RBFOX1: variants seen among roughly 807,000 people sequenced by gnomAD.
RBFOX1 encodes RNA binding protein fox-1 homolog 1.
A neutral mutation model predicts 57.7 loss-of-function variants in RBFOX1; 8 were observed. That is an observed-to-expected ratio of 0.14 (90% confidence interval 0.08 to 0.25). The LOEUF is 0.25. Ranked by LOEUF, RBFOX1 falls within the 10% of genes least tolerant of loss-of-function variation. The probability of loss-of-function intolerance (pLI) is 1.00; values close to 1 mark genes in which losing one functional copy is unlikely to be tolerated. For synonymous variants in RBFOX1, 326 were observed against 222.4 expected, an observed-to-expected ratio of 1.47 and a Z score of -4.15; for missense variants, 611 against 548.5, an observed-to-expected ratio of 1.11 and a Z score of -1.14.
At chr16:5,523,885 T>C (rs547648992) in intron 2 of RBFOX1, among the ~76,000 whole-genome samples, 3 of 152,276 alleles carry the variant, frequency 2.0e-5, no homozygotes, top group East Asian at 3.9e-4. Flanking sequence ...GGGGCTGTTG[T>C]ATCCATCCTG....
intron 4 of RBFOX1, among the ~76,000 whole-genome samples, chr16:7,129,990 C>T: frequency 6.6e-6 from 1 of 151,670 alleles, no homozygotes; most frequent in East Asian, 1.9e-4. Flanking sequence ...TACTCCTCTA[C>T]TTCCATCTAT....
rs114963313 is a variant in RBFOX1 at position 5,971,262 on chromosome 16, C to G, written c.351+103927C>G. Reference sequence around the variant, plus strand: ...ATGTATTTCTGAGCTGATTCTGAGCCAAATCAGTTTAGGCTCCCATAACAG... The same window carrying G: ...ATGTATTTCTGAGCTGATTCTGAGCGAAATCAGTTTAGGCTCCCATAACAG... On this transcript the variant is annotated intron_variant, in intron 4 of 19. Transcript: ENST00000641259. Among the ~76,000 whole-genome samples the G allele has an allele frequency of 6.7e-3, 1,015 of 152,236 alleles. 9 individuals carry two copies. Among genetic ancestry groups the G allele is most frequent in the African/African-American group, 0.023 (964 of 41,554 alleles).
Position 6,357,992 on chromosome 16 carries a change from C to T in RBFOX1, c.-64+40935C>T, listed in dbSNP as rs554521802. On this transcript the variant is annotated intron_variant, in intron 2 of 15. Coordinates refer to ENST00000550418, the MANE Select transcript of RBFOX1 (RefSeq NM_018723.4). ...AAAAAAAAAAAAGAAATTAATGGGG[C>T]CAGAGACCTTTGGAAATTTCAATGG... is the stretch of plus-strand genomic sequence containing the variant. Among the ~76,000 whole-genome samples the T allele has an allele frequency of 6.6e-5, 10 of 151,154 alleles. No individual in the cohort carries two copies. The East Asian group carries it at 9.7e-4, about 15-fold the overall frequency.
chr16:5,684,954 C>A (rs1045231655), intron 3 of RBFOX1, among the ~76,000 whole-genome samples: 1 of 152,150 alleles, frequency 6.6e-6, no homozygotes, highest in African/African-American at 2.4e-5. Flanking sequence ...CTCCCAGGCA[C>A]AGATAGATAA....
intron 1 of RBFOX1, among the ~76,000 whole-genome samples, chr16:5,369,936 A>G (rs2065816204): frequency 6.6e-6 from 1 of 152,168 alleles, no homozygotes; most frequent in Non-Finnish European, 1.5e-5. Flanking sequence ...GAAAGACAGC[A>G]TGATGGGGTC....
chr16:5,863,150 G>A (rs141726280), intron 3 of RBFOX1, among the ~76,000 whole-genome samples: 34 of 152,244 alleles, frequency 2.2e-4, no homozygotes, highest in African/African-American at 6.5e-4. Flanking sequence ...AAGGAATCAC[G>A]TCCACTGAGT....
chr16:7,482,720 G>A (rs577446163), intron 4 of RBFOX1, among the ~76,000 whole-genome samples: 55 of 151,784 alleles, frequency 3.6e-4, no homozygotes, highest in Non-Finnish European at 6.8e-4. Context: ...AATGATGAAG[G>A]AATTTTCCTT....
intron 3 of RBFOX1, among the ~76,000 whole-genome samples, chr16:5,715,493 C>G (rs1221415622): frequency 6.6e-6 from 1 of 152,338 alleles, no homozygotes; most frequent in East Asian, 1.9e-4. Flanking sequence ...CATGAAAACT[C>G]TTAAGATGTA....
intron 4 of RBFOX1, among the ~76,000 whole-genome samples, chr16:7,054,386 C>G (rs939967745): frequency 6.6e-6 from 1 of 151,458 alleles, no homozygotes. Context: ...ATTACAGGCA[C>G]GCGCCACCAC....
chr16:5,618,452 C>T (rs1490131369), intron 3 of RBFOX1, among the ~76,000 whole-genome samples: 3 of 152,148 alleles, frequency 2.0e-5, no homozygotes, highest in Admixed American at 1.3e-4. Flanking sequence ...ATTCTCCTGC[C>T]TCAGCCTCCC....
intron 3 of RBFOX1, among the ~76,000 whole-genome samples, chr16:6,842,818 A>C (rs551565006): frequency 6.6e-6 from 1 of 151,788 alleles, no homozygotes; most frequent in African/African-American, 2.4e-5. Flanking sequence ...CTCTCCCTCC[A>C]TGTTCCCCCA....
chr16:6,295,667 G>A (rs78132390), intron 1 of RBFOX1, among the ~76,000 whole-genome samples: 3,856 of 152,296 alleles, frequency 0.025, 168 homozygotes, highest in African/African-American at 0.087. Flanking sequence ...TCCAATGACT[G>A]GAATGAAGCT....
chr16:6,129,482 A>G (rs1030101933), intron 1 of RBFOX1, among the ~76,000 whole-genome samples: 3 of 152,178 alleles, frequency 2.0e-5, no homozygotes, highest in African/African-American at 7.2e-5. Flanking sequence ...GAAGAATACA[A>G]AAGGAAACAA....
intron 1 of RBFOX1, chr16:5,366,302 T>C: frequency 2.7e-6 from 1 of 364,896 alleles, no homozygotes; most frequent in South Asian, 2.3e-5. Flanking sequence ...ACGATTTTGA[T>C]GATGATGAAG....
intron 1 of RBFOX1, among the ~76,000 whole-genome samples, chr16:5,400,263 T>C (rs1352284075): frequency 6.6e-6 from 1 of 152,060 alleles, no homozygotes; most frequent in African/African-American, 2.4e-5. Flanking sequence ...GGCTGATTTT[T>C]GTATTTTTCA....
chr16:6,520,449 A>G (rs1370941664), intron 2 of RBFOX1, among the ~76,000 whole-genome samples: 1 of 152,200 alleles, frequency 6.6e-6, no homozygotes. Flanking sequence ...TCATTGTCTG[A>G]AGGGCCTCAT....
At chr16:6,640,843 C>T (rs1347440224) in intron 2 of RBFOX1, among the ~76,000 whole-genome samples, 3 of 152,006 alleles carry the variant, frequency 2.0e-5, no homozygotes, top group Non-Finnish European at 4.4e-5. Context: ...CATGTTCTAG[C>T]CCCATCTTAG....
chr16:7,573,010 G>T (rs933126129), intron 5 of RBFOX1, among the ~76,000 whole-genome samples: 20 of 152,054 alleles, frequency 1.3e-4, no homozygotes, highest in Non-Finnish European at 2.6e-4. Flanking sequence ...CAAAATCACA[G>T]AATAAAATAA....
intron 4 of RBFOX1, among the ~76,000 whole-genome samples, chr16:7,349,752 C>G (rs972948191): frequency 6.6e-6 from 1 of 151,994 alleles, no homozygotes; most frequent in Non-Finnish European, 1.5e-5. Context: ...CAATACAGTT[C>G]CAGGTGTGAG....
Sources: gnomAD v4.1 joint callset for allele counts (sites outside exome capture counted in the v4.1 genomes callset) on GRCh38, gnomAD v4.1.1 for gene constraint, MANE v1.5 for transcripts, NCBI Gene and HGNC (gene_info 2026-07-23, HGNC 2026-07-21) for gene names.